The following TMEM267 variants were observed in gnomAD, a reference collection of about 807,000 sequenced individuals.
TMEM267 encodes the protein transmembrane protein 267.
Under a neutral mutation model 19.3 loss-of-function variants are expected in TMEM267, and 20 were observed. The ratio of observed to expected loss-of-function variants is 1.04; its 90% CI spans 0.73 to 1.51. The LOEUF is 1.51. TMEM267 is among the 40% of genes most tolerant of loss of function. The probability of loss-of-function intolerance (pLI) is 0.00; values close to 1 mark genes in which losing one functional copy is unlikely to be tolerated. For missense variants in TMEM267, 242 were observed against 261.9 expected, an observed-to-expected ratio of 0.92 and a Z score of 0.52; for synonymous variants, 88 against 90.3, an observed-to-expected ratio of 0.97 and a Z score of 0.15.
intron 1 of TMEM267, among the ~76,000 whole-genome samples, chr5:43,459,142 C>T (rs1297648587): frequency 6.6e-6 from 1 of 152,096 alleles, no homozygotes; most frequent in East Asian, 1.9e-4. Flanking sequence ...TAAATTATGG[C>T]ACCTATGTGG....
At chr5:43,483,249 A>C (rs939981552) in intron 1 of TMEM267, among the ~76,000 whole-genome samples, 1 of 152,216 alleles carries the variant, frequency 6.6e-6, no homozygotes, top group Non-Finnish European at 1.5e-5. Context: ...GCCCATTACG[A>C]ATAAAACAAA....
At chr5:43,455,604 G>A (rs1438078740) in intron 1 of TMEM267, among the ~76,000 whole-genome samples, 13 of 152,118 alleles carry the variant, frequency 8.5e-5, no homozygotes, top group Non-Finnish European at 7.4e-5. Flanking sequence ...CTGGAGTGCA[G>A]TGGTGTGATC....
chr5:43,462,841 G>T (rs1743355002), intron 1 of TMEM267, among the ~76,000 whole-genome samples: 1 of 152,122 alleles, frequency 6.6e-6, no homozygotes, highest in Non-Finnish European at 1.5e-5. Flanking sequence ...AAGCAGGAAA[G>T]ACCCAAAATT....
intron 1 of TMEM267, among the ~76,000 whole-genome samples, chr5:43,468,050 G>A (rs1232509095): frequency 6.7e-6 from 1 of 148,514 alleles, no homozygotes; most frequent in Non-Finnish European, 1.5e-5. Context: ...CCAAGAGACA[G>A]CTAATGCTCA....
chr5:43,446,172 C>T lies in TMEM267; in HGVS notation c.*50G>A. 8.5e-7 allele frequency: 1 copy of T among 1,173,008 alleles called. No individual in the cohort carries two copies. The highest frequency in any genetic ancestry group is 1.2e-6 in the Non-Finnish European group (1 of 814,554). 72.7% of individuals were successfully genotyped at this position (1,173,008 alleles called of 1,614,324 possible). The stretch of plus-strand genomic sequence containing the variant: ...AAAATTAACTTTAATGTTGGCTACT[C>T]TTAATTATCATCATCTGAGCCATTT... On this transcript the variant is annotated 3_prime_UTR_variant, in exon 3 of 3. Transcript: ENST00000397080.
intron 2 of TMEM267, among the ~76,000 whole-genome samples, chr5:43,450,024 C>T (rs572377335): frequency 3.0e-4 from 45 of 149,448 alleles, no homozygotes; most frequent in African/African-American, 1.1e-3. Flanking sequence ...GAGACTTGTG[C>T]TGTCTCAAAG....
rs1049747363 is a variant in TMEM267, at chr5:43,445,974, G to A, written c.*248C>T. On this transcript the variant is annotated 3_prime_UTR_variant, in exon 3 of 3. Coordinates refer to ENST00000397080, the MANE Select transcript of TMEM267 (RefSeq NM_022483.5). ...AAAGCCAGATAAATAGAAAAAAACA[G>A]TAAAAATATATTGTGGAATAAATGA... 12 of 229,306 alleles carry A rather than the reference G, an allele frequency of 5.2e-5. No individual in the cohort carries two copies. Among genetic ancestry groups the A allele is most frequent in the Non-Finnish European group, 1.0e-4 (12 of 119,132 alleles). The allele number at this position is 229,306 out of a possible 1,614,324, so 14.2% of individuals were successfully genotyped here. A position where few individuals can be genotyped will look rare whatever the true frequency, so the allele number is the denominator to read the frequency against.
chr5:43,475,696 C>T (rs1047119943), intron 1 of TMEM267, among the ~76,000 whole-genome samples: 3 of 151,964 alleles, frequency 2.0e-5, no homozygotes, highest in Non-Finnish European at 4.4e-5. Flanking sequence ...ACTGCCTACC[C>T]AAGAGAACCA....
chr5:43,452,258 C>T (rs1358907415), intron 2 of TMEM267, among the ~76,000 whole-genome samples: 1 of 152,044 alleles, frequency 6.6e-6, no homozygotes, highest in Non-Finnish European at 1.5e-5. Flanking sequence ...TGGAACACTA[C>T]TTGCCCATAC....
intron 1 of TMEM267, among the ~76,000 whole-genome samples, chr5:43,455,582 C>T (rs560318454): frequency 4.6e-5 from 7 of 152,272 alleles, no homozygotes; most frequent in Admixed American, 2.6e-4. Context: ...GAGTCTCACT[C>T]TGTCACCCAG....
chr5:43,456,271 C>T (rs752983173), intron 1 of TMEM267, among the ~76,000 whole-genome samples: 36 of 152,134 alleles, frequency 2.4e-4, no homozygotes, highest in Admixed American at 5.9e-4. Context: ...ACTCCATATA[C>T]AAAAATTATC....
intron 1 of TMEM267, among the ~76,000 whole-genome samples, chr5:43,459,519 AGAT>A (rs1743135199): frequency 6.6e-6 from 1 of 152,222 alleles, no homozygotes. Context: ...GAAAATAAAG[AGAT>A]GAGAAAATAT....
chr5:43,477,590 C>CAA (rs10717949), intron 1 of TMEM267, among the ~76,000 whole-genome samples: 52 of 80,394 alleles, frequency 6.5e-4, no homozygotes, highest in Non-Finnish European at 7.9e-4. Flanking sequence ...GACTCCGTCT[C>CAA]AAAAAAAAAA....
intron 1 of TMEM267, among the ~76,000 whole-genome samples, chr5:43,475,489 C>T (rs893335571): frequency 6.6e-6 from 1 of 152,080 alleles, no homozygotes; most frequent in Non-Finnish European, 1.5e-5. Flanking sequence ...CAAACCTGCA[C>T]ATTCTGCACA....
In TMEM267 at chr5:43,453,997, A is replaced by G. The variant is rs1473801680; in HGVS notation, c.-28T>C. 2 of 1,602,628 alleles carry G rather than the reference A, an allele frequency of 1.2e-6. No homozygotes were observed. The highest frequency in any genetic ancestry group is 2.7e-5 in the African/African-American group (2 of 74,414). On this transcript the variant is annotated 5_prime_UTR_variant, in exon 2 of 3. Coordinates refer to ENST00000397080, the MANE Select transcript of TMEM267 (RefSeq NM_022483.5). ...CAAACAATATGTTAGTATAGACTAA[A>G]AGCCATCAGGAATGAACAGTCTATT...
chr5:43,464,990 A>C (rs10473313), intron 1 of TMEM267, among the ~76,000 whole-genome samples: 10,550 of 152,252 alleles, frequency 0.069, 1,231 homozygotes, highest in African/African-American at 0.24. Flanking sequence ...TCTGCACAGC[A>C]AAAGAAACTA....
intron 2 of TMEM267, among the ~76,000 whole-genome samples, chr5:43,451,571 T>G (rs1195535635): frequency 2.6e-5 from 4 of 152,078 alleles, no homozygotes; most frequent in African/African-American, 9.7e-5. Context: ...ACCATCAGAA[T>G]GGCTATTATT....
chr5:43,472,126 CAAAAT>C (rs753445638), intron 1 of TMEM267, among the ~76,000 whole-genome samples: 1 of 152,144 alleles, frequency 6.6e-6, no homozygotes, highest in African/African-American at 2.4e-5. Flanking sequence ...AAAAAATGGG[CAAAAT>C]ATTTGAATAG....
chr5:43,470,714 T>C (rs1166922445), intron 1 of TMEM267, among the ~76,000 whole-genome samples: 1 of 152,206 alleles, frequency 6.6e-6, no homozygotes, highest in East Asian at 1.9e-4. Context: ...ATCACTGTTT[T>C]TCAGCAGTAA....
Sources: gnomAD v4.1 joint callset for allele counts (sites outside exome capture counted in the v4.1 genomes callset) on GRCh38, gnomAD v4.1.1 for gene constraint, MANE v1.5 for transcripts, NCBI Gene and HGNC (gene_info 2026-07-23, HGNC 2026-07-21) for gene names.